The following COL19A1 variants were observed in gnomAD, a reference collection of about 807,000 sequenced individuals.
COL19A1 encodes collagen alpha-1(XIX) chain.
COL19A1 carries 159 observed loss-of-function variants against 190.2 expected under a neutral mutation model. The ratio of observed to expected loss-of-function variants is 0.84; its 90% CI spans 0.73 to 0.95. The LOEUF is 0.95. Among genes scored for constraint, COL19A1 ranks in the 40% least tolerant of loss-of-function variants. The pLI, the probability that COL19A1 is intolerant of heterozygous loss-of-function variation, is 0.00. For synonymous variants in COL19A1, 509 were observed against 458.9 expected (o/e 1.11, Z -1.39); for missense variants, 1,418 against 1,431.9 (o/e 0.99, Z 0.16).
chr6:70,174,559 C>CA (rs71536501), intron 41 of COL19A1, among the ~76,000 whole-genome samples: 2,132 of 140,222 alleles, frequency 0.015, 26 homozygotes, highest in African/African-American at 0.03. Flanking sequence ...GACTCCGTCT[C>CA]AAAAAAAAAA....
intron 14 of COL19A1, among the ~76,000 whole-genome samples, chr6:70,044,305 T>A (rs980862129): frequency 1.3e-5 from 2 of 152,226 alleles, no homozygotes; most frequent in Admixed American, 6.5e-5. Flanking sequence ...TGTTTTGCTT[T>A]CTTATCATTT....
intron 15 of COL19A1, among the ~76,000 whole-genome samples, chr6:70,095,351 T>C (rs1356825553): frequency 6.6e-6 from 1 of 152,202 alleles, no homozygotes; most frequent in Non-Finnish European, 1.5e-5. Context: ...ATTACACTTT[T>C]CTAAAGGATG....
chr6:70,137,897 A>G (rs1785972055), intron 19 of COL19A1, 150 bp downstream of exon 19: 1 of 685,894 alleles, frequency 1.5e-6, no homozygotes, highest in South Asian at 1.9e-5. Flanking sequence ...TAGCTACGCT[A>G]TGCACTAAGT....
chr6:70,168,603 G>A, intron 39 of COL19A1, 52 bp from the exon 40 acceptor site: 1 of 1,590,408 alleles, frequency 6.3e-7, no homozygotes, highest in South Asian at 1.1e-5. Flanking sequence ...TTCTTATTCT[G>A]TAACTGCTTT....
At chr6:69,895,845 C>T (rs1466649796) in intron 2 of COL19A1, among the ~76,000 whole-genome samples, 4 of 152,104 alleles carry the variant, frequency 2.6e-5, no homozygotes, top group African/African-American at 4.8e-5. Context: ...ATTGTATATG[C>T]CACAATTTAA....
chr6:70,026,954 C>A (rs999336105), intron 12 of COL19A1, among the ~76,000 whole-genome samples: 3 of 152,108 alleles, frequency 2.0e-5, no homozygotes, highest in African/African-American at 7.2e-5. Flanking sequence ...GCTAAAAAAA[C>A]TGAGTCTGCA....
intron 4 of COL19A1, among the ~76,000 whole-genome samples, chr6:69,922,594 C>T (rs1330266289): frequency 6.6e-6 from 1 of 151,134 alleles, no homozygotes; most frequent in African/African-American, 2.4e-5. Flanking sequence ...AATTCTCCTG[C>T]CTCAGCCAAC....
At chr6:69,996,305 T>G (rs966074241) in intron 11 of COL19A1, among the ~76,000 whole-genome samples, 1 of 152,182 alleles carries the variant, frequency 6.6e-6, no homozygotes, top group Admixed American at 6.6e-5. Flanking sequence ...ACCTCCTGTT[T>G]CCAAGCACTA....
In COL19A1 at chr6:69,935,977, TA is replaced by T. The variant is rs1197197621; in HGVS notation, c.748-807del. 2.6e-5 allele frequency among the ~76,000 whole-genome samples: 4 copies of T among 152,138 alleles called. No individual in the cohort carries two copies. In the East Asian group the frequency reaches 7.7e-4, roughly 29 times the overall value. ...TCCTGAAAATACTTTACCATGCATTTATAATTTGTGGTATACAAAGTAATGT... is the reference window on the plus strand; with the variant it reads ...TCCTGAAAATACTTTACCATGCATTTTAATTTGTGGTATACAAAGTAATGT... On this transcript the variant is annotated intron_variant, in intron 7 of 50. Transcript: ENST00000620364.
intron 11 of COL19A1, among the ~76,000 whole-genome samples, chr6:69,999,552 A>G (rs766867662): frequency 2.6e-5 from 4 of 152,056 alleles, no homozygotes; most frequent in Non-Finnish European, 5.9e-5. Flanking sequence ...ATTTTTTTTG[A>G]TTACATTTAA....
At chr6:69,983,610 C>A (rs1041098563) in intron 11 of COL19A1, among the ~76,000 whole-genome samples, 1 of 151,830 alleles carries the variant, frequency 6.6e-6, no homozygotes, top group Non-Finnish European at 1.5e-5. Flanking sequence ...TTGTAGAGAC[C>A]CTTTCTTAGA....
intron 16 of COL19A1, among the ~76,000 whole-genome samples, chr6:70,118,681 AC>A (rs1163252952): frequency 1.3e-5 from 2 of 152,238 alleles, no homozygotes; most frequent in Non-Finnish European, 2.9e-5. Context: ...TGAAGATAAG[AC>A]ATTTTGTGAC....
intron 9 of COL19A1, among the ~76,000 whole-genome samples, chr6:69,946,169 C>T (rs1190217858): frequency 6.6e-6 from 1 of 151,834 alleles, no homozygotes; most frequent in Non-Finnish European, 1.5e-5. Context: ...GCTTTTAACT[C>T]ATTTAAACTC....
intron 30 of COL19A1, 132 bp from the exon 31 acceptor site, chr6:70,151,265 C>A: frequency 1.3e-6 from 1 of 754,224 alleles, no homozygotes. Flanking sequence ...AATGTTAAGC[C>A]AGTGATTCTA....
At chr6:70,003,252 A>C (rs975354123) in intron 11 of COL19A1, among the ~76,000 whole-genome samples, 1 of 152,024 alleles carries the variant, frequency 6.6e-6, no homozygotes, top group Admixed American at 6.6e-5. Flanking sequence ...TTATGATTTC[A>C]GTTCTTTTGC....
chr6:69,993,284 A>G (rs1007669890), intron 11 of COL19A1, among the ~76,000 whole-genome samples: 3 of 152,078 alleles, frequency 2.0e-5, no homozygotes, highest in African/African-American at 7.2e-5. Flanking sequence ...GGTTGAACCA[A>G]TCTTGCTTCC....
At chr6:70,174,020 G>A (rs571516689) in intron 41 of COL19A1, among the ~76,000 whole-genome samples, 26 of 152,236 alleles carry the variant, frequency 1.7e-4, no homozygotes, top group African/African-American at 6.0e-4. Context: ...CAGTAAAAGG[G>A]GAGAAAGCAG....
At chr6:70,078,245 C>G (rs912732358) in intron 15 of COL19A1, among the ~76,000 whole-genome samples, 1 of 152,186 alleles carries the variant, frequency 6.6e-6, no homozygotes, top group Non-Finnish European at 1.5e-5. Context: ...TTTATTTACT[C>G]AAGAAACATT....
intron 11 of COL19A1, among the ~76,000 whole-genome samples, chr6:69,979,645 T>C (rs1582589715): frequency 6.6e-6 from 1 of 151,734 alleles, no homozygotes; most frequent in East Asian, 1.9e-4. Flanking sequence ...GTAACCTATG[T>C]AGCACTAGAA....
Sources: allele counts gnomAD v4.1 joint callset (sites outside exome capture counted in the v4.1 genomes callset), GRCh38; gene constraint gnomAD v4.1.1; transcripts MANE v1.5; gene names NCBI Gene and HGNC (gene_info 2026-07-23, HGNC 2026-07-21).